Variants in PTPRT observed in about 807,000 individuals in gnomAD.
PTPRT encodes the protein receptor-type tyrosine-protein phosphatase T.
In PTPRT, 56 loss-of-function variants were observed where a neutral mutation model predicts 176.8. The observed-to-expected ratio is 0.32, with a 90% CI of 0.26 to 0.40. The LOEUF (loss-of-function observed/expected upper bound fraction) is 0.40. PTPRT is among the 10% of genes least tolerant of loss of function. The pLI is 1.00. For missense variants in PTPRT, 1,540 were observed against 1,908.2 expected (o/e 0.81, Z 3.60); for synonymous variants, 783 against 739.0 (o/e 1.06, Z -0.96).
At chr20:42,566,121 T>A (rs114569458) in intron 7 of PTPRT, among the ~76,000 whole-genome samples, 1 of 151,108 alleles carries the variant, frequency 6.6e-6, no homozygotes, top group East Asian at 1.9e-4. Flanking sequence ...TAAAAAAAAA[T>A]AGATTCAATT....
At chr20:42,443,169 C>T (rs2059333697) in intron 9 of PTPRT, among the ~76,000 whole-genome samples, 1 of 152,258 alleles carries the variant, frequency 6.6e-6, no homozygotes, top group Non-Finnish European at 1.5e-5. Flanking sequence ...TTTCATCAGG[C>T]AGAGCTTTCC....
At chr20:42,384,107 G>A (rs568463282) in intron 9 of PTPRT, among the ~76,000 whole-genome samples, 33 of 152,292 alleles carry the variant, frequency 2.2e-4, no homozygotes, top group African/African-American at 7.7e-4. Flanking sequence ...TCCTGTCACT[G>A]TGGGGCTTCA....
intron 12 of PTPRT, among the ~76,000 whole-genome samples, chr20:42,312,802 CTTTTTTT>C (rs11482597): frequency 2.7e-5 from 3 of 112,372 alleles, no homozygotes; most frequent in Non-Finnish European, 5.3e-5. Flanking sequence ...GAGTGAGATC[CTTTTTTT>C]TTTTTTTTTT....
chr20:42,338,904 C>G (rs1384929361), intron 11 of PTPRT, among the ~76,000 whole-genome samples: 1 of 152,138 alleles, frequency 6.6e-6, no homozygotes, highest in Non-Finnish European at 1.5e-5. Flanking sequence ...TCTTCCTGCT[C>G]TCCCCACAAT....
chr20:42,524,234 C>CT (rs1312670946), intron 7 of PTPRT, among the ~76,000 whole-genome samples: 1 of 152,114 alleles, frequency 6.6e-6, no homozygotes, highest in Non-Finnish European at 1.5e-5. Context: ...TACCAATTTC[C>CT]TTGCTCACCA....
intron 7 of PTPRT, among the ~76,000 whole-genome samples, chr20:42,585,547 T>C (rs1417190553): frequency 6.6e-6 from 1 of 152,194 alleles, no homozygotes; most frequent in East Asian, 1.9e-4. Context: ...ACAGTCATAA[T>C]AGTTAACACT....
intron 13 of PTPRT, among the ~76,000 whole-genome samples, chr20:42,257,785 ACAGAAC>A (rs1223944574): frequency 6.6e-6 from 1 of 151,784 alleles, no homozygotes; most frequent in Non-Finnish European, 1.5e-5. Context: ...TCTACAGCCT[ACAGAAC>A]CATGAGCCAA....
At chr20:43,162,316 CACTT>C (rs1292103816) in intron 1 of PTPRT, among the ~76,000 whole-genome samples, 1 of 152,230 alleles carries the variant, frequency 6.6e-6, no homozygotes, top group African/African-American at 2.4e-5. Context: ...TGCATTAACT[CACTT>C]AATGCTCAGA....
intron 7 of PTPRT, among the ~76,000 whole-genome samples, chr20:42,475,647 G>T (rs1308392965): frequency 1.3e-5 from 2 of 152,212 alleles, no homozygotes; most frequent in Non-Finnish European, 2.9e-5. Flanking sequence ...AGGCAAAAAT[G>T]ACTTGGGTCT....
chr20:42,089,685 G>A (rs553624916), intron 27 of PTPRT, among the ~76,000 whole-genome samples: 1 of 152,286 alleles, frequency 6.6e-6, no homozygotes, highest in East Asian at 1.9e-4. Context: ...TAATTTGTGA[G>A]ACTACAGCAG....
chr20:42,377,790 T>C (rs937256792), intron 9 of PTPRT, among the ~76,000 whole-genome samples: 1 of 152,166 alleles, frequency 6.6e-6, no homozygotes, highest in Non-Finnish European at 1.5e-5. Context: ...GACATGGCTT[T>C]GGAGGACAGA....
intron 3 of PTPRT, 84 bp downstream of exon 3, chr20:42,791,111 C>T (rs578005098): frequency 1.4e-6 from 2 of 1,478,342 alleles, no homozygotes; most frequent in East Asian, 2.3e-5. Context: ...GAAGTCCTTT[C>T]TAGACCTAGC....
intron 7 of PTPRT, among the ~76,000 whole-genome samples, chr20:42,550,567 C>A (rs1337241366): frequency 6.6e-6 from 1 of 151,952 alleles, no homozygotes; most frequent in Non-Finnish European, 1.5e-5. Context: ...GCCAAGTTAC[C>A]CCCTATTAAC....
intron 11 of PTPRT, among the ~76,000 whole-genome samples, chr20:42,327,389 A>G (rs1479460517): frequency 1.3e-5 from 2 of 152,090 alleles, no homozygotes; most frequent in Non-Finnish European, 2.9e-5. Flanking sequence ...GCTTTAAAGG[A>G]CAATTAATTG....
At chr20:42,355,198 C>T (rs189021606) in intron 9 of PTPRT, among the ~76,000 whole-genome samples, 17 of 152,260 alleles carry the variant, frequency 1.1e-4, no homozygotes, top group Admixed American at 1.1e-3. Flanking sequence ...TCCTTATACC[C>T]CTGCAAGCTC....
At chr20:42,552,854 G>A (rs139359253) in intron 7 of PTPRT, among the ~76,000 whole-genome samples, 1 of 151,906 alleles carries the variant, frequency 6.6e-6, no homozygotes. Context: ...TTCCACTTTG[G>A]GTATCAAAGA....
Position 42,074,866 on chromosome 20 carries a change from T to G in PTPRT, c.*6013A>C, listed in dbSNP as rs1362347856. The G allele has an allele frequency of 5.0e-6, 2 of 398,464 alleles. No individual in the cohort carries two copies. Among genetic ancestry groups the G allele is most frequent in the African/African-American group, 4.1e-5 (2 of 48,604 alleles). The allele number at this position is 398,464 out of a possible 1,614,324, so 24.7% of individuals were successfully genotyped here. Reference sequence around the variant, plus strand: ...ATAGTCAGTGCCATGCAAAAGCCCATCCCTGGTTACTAAAAAACTAGAAGA... The same window carrying G: ...ATAGTCAGTGCCATGCAAAAGCCCAGCCCTGGTTACTAAAAAACTAGAAGA... On this transcript the variant is annotated 3_prime_UTR_variant, in exon 31 of 31. Transcript: ENST00000373187.
At chr20:42,633,794 T>A (rs1334782342) in intron 7 of PTPRT, among the ~76,000 whole-genome samples, 11 of 60,024 alleles carry the variant, frequency 1.8e-4, no homozygotes, top group African/African-American at 3.9e-4. Flanking sequence ...AATATATATA[T>A]ATATATATAT....
At chr20:42,210,127 G>T (rs1463586033) in intron 15 of PTPRT, among the ~76,000 whole-genome samples, 4 of 152,114 alleles carry the variant, frequency 2.6e-5, no homozygotes, top group African/African-American at 9.7e-5. Context: ...TCAATAAATT[G>T]GGTATTAATG....
Sources: allele counts gnomAD v4.1 joint callset (sites outside exome capture counted in the v4.1 genomes callset), GRCh38; gene constraint gnomAD v4.1.1; transcripts MANE v1.5; gene names NCBI Gene and HGNC (gene_info 2026-07-23, HGNC 2026-07-21).